AP4E1: variants seen among roughly 807,000 people sequenced by gnomAD.
AP4E1 encodes the protein adaptor related protein complex 4 subunit epsilon 1, also known as AP-4 complex subunit epsilon-1.
In AP4E1, 56 loss-of-function variants were observed where a neutral mutation model predicts 128.2. The observed-to-expected ratio is 0.44, with a 90% CI of 0.35 to 0.55. The LOEUF (loss-of-function observed/expected upper bound fraction) is 0.55, where lower values mean the gene tolerates loss of function less well. Among genes scored for constraint, AP4E1 ranks in the 20% least tolerant of loss-of-function variants. The pLI is 0.00. For synonymous variants in AP4E1, 484 were observed against 473.1 expected (o/e 1.02, Z -0.30); for missense variants, 1,324 against 1,307.7 (o/e 1.01, Z -0.19).
chr15:50,928,031 T>C (rs2063788718), intron 5 of AP4E1, among the ~76,000 whole-genome samples: 1 of 152,186 alleles, frequency 6.6e-6, no homozygotes, highest in Non-Finnish European at 1.5e-5. Flanking sequence ...TTATTTTTGC[T>C]TCTGTGTGCT....
At chr15:50,963,095 C>T (rs564896905) in intron 14 of AP4E1, among the ~76,000 whole-genome samples, 29 of 151,922 alleles carry the variant, frequency 1.9e-4, no homozygotes, top group African/African-American at 6.8e-4. Context: ...CAAAAAATAA[C>T]AAATGTTGCC....
chr15:50,918,264 A>C (rs2063653472), intron 3 of AP4E1: 1 of 152,120 alleles, frequency 6.6e-6, no homozygotes, highest in African/African-American at 2.4e-5. Flanking sequence ...TTTGTCTGAG[A>C]GTTCTGAAAT....
intron 14 of AP4E1, among the ~76,000 whole-genome samples, chr15:50,963,501 A>G (rs1038697819): frequency 6.6e-6 from 1 of 152,204 alleles, no homozygotes; most frequent in African/African-American, 2.4e-5. Context: ...ACATGTTCTT[A>G]TGCATATGTG....
Position 50,910,132 on chromosome 15 carries a change from G to A in AP4E1, c.150+1204G>A, listed in dbSNP as rs562468118. Among the ~76,000 whole-genome samples the A allele has an allele frequency of 9.2e-5, 14 of 152,294 alleles. No homozygotes were observed. In the East Asian group the frequency reaches 2.5e-3, roughly 27 times the overall value. ...CTCCCAAGTAGCTGGGATTATAGGC[G>A]TATGCCACTACGCCCGGCTAATTTT... On this transcript the variant is annotated intron_variant, in intron 1 of 20. Transcript: ENST00000261842.
chr15:50,958,893 T>A, intron 14 of AP4E1, 99 bp downstream of exon 14: 1 of 1,277,874 alleles, frequency 7.8e-7, no homozygotes, highest in Non-Finnish European at 1.1e-6. Flanking sequence ...AAATGTGGTT[T>A]CTGTAGCATT....
chr15:50,909,061 G>A, intron 1 of AP4E1, 133 bp downstream of exon 1: 1 of 1,406,884 alleles, frequency 7.1e-7, no homozygotes, highest in Non-Finnish European at 9.4e-7. Context: ...TGCTGTGTCG[G>A]TTCGTCCTTT....
At chr15:50,931,345 A>T (rs1188523804) in intron 7 of AP4E1, among the ~76,000 whole-genome samples, 2 of 152,092 alleles carry the variant, frequency 1.3e-5, no homozygotes, top group Non-Finnish European at 2.9e-5. Flanking sequence ...GAGGTGGCGG[A>T]TCACAAGGTC....
At chr15:50,933,158 G>A (rs974457738) in intron 7 of AP4E1, among the ~76,000 whole-genome samples, 1 of 152,082 alleles carries the variant, frequency 6.6e-6, no homozygotes, top group African/African-American at 2.4e-5. Flanking sequence ...ACAGCACTCA[G>A]GTGACCAGTA....
intron 1 of AP4E1, among the ~76,000 whole-genome samples, chr15:50,909,217 A>T (rs2063534358): frequency 6.6e-6 from 1 of 152,266 alleles, no homozygotes; most frequent in South Asian, 2.1e-4. Flanking sequence ...TTGTGGTGGA[A>T]AAGTACTGAT....
At chr15:50,967,816 A>ATT (rs2064414197) in intron 14 of AP4E1, among the ~76,000 whole-genome samples, 1 of 152,134 alleles carries the variant, frequency 6.6e-6, no homozygotes, top group South Asian at 2.1e-4. Context: ...TAGCATTTTC[A>ATT]TTCATTCATT....
chr15:50,927,288 G>A (rs1300260613), intron 5 of AP4E1, among the ~76,000 whole-genome samples: 1 of 152,122 alleles, frequency 6.6e-6, no homozygotes, highest in Non-Finnish European at 1.5e-5. Flanking sequence ...TTGCAGTTAT[G>A]GCCATACTCA....
intron 17 of AP4E1, among the ~76,000 whole-genome samples, chr15:50,994,584 A>G (rs979890496): frequency 1.3e-5 from 2 of 152,200 alleles, no homozygotes; most frequent in African/African-American, 2.4e-5. Flanking sequence ...TAACTAATGT[A>G]TCTTAATATT....
At chr15:50,928,769 C>A (rs890562235) in intron 5 of AP4E1, among the ~76,000 whole-genome samples, 2 of 149,250 alleles carry the variant, frequency 1.3e-5, no homozygotes, top group African/African-American at 4.9e-5. Flanking sequence ...AAAAAATTCC[C>A]TAACTAGATA....
In AP4E1 at chr15:50,950,428, G is replaced by A. The variant is rs56121717; in HGVS notation, c.1548+259G>A. On this transcript the variant is annotated intron_variant, in intron 13 of 20. Transcript: ENST00000261842. ...TTTGTTGTGTTTTTTATGTGCATCC[G>A]TGTTTGAATATTTGAATACTCATTT... 0.018 allele frequency among the ~76,000 whole-genome samples: 2,712 copies of A among 151,790 alleles called. 100 individuals are homozygous for A. Among genetic ancestry groups the A allele is most frequent in the African/African-American group, 0.062 (2,573 of 41,346 alleles).
In AP4E1 at chr15:51,001,090, C is replaced by G; in HGVS notation, c.3160C>G (p.Gln1054Glu). Reference sequence around the variant, plus strand: ...GTTATCCTTCGCAAATGATGTGAAACAAAATGTAAAAATGTCAGAATCTCA... The same window carrying G: ...GTTATCCTTCGCAAATGATGTGAAAGAAAATGTAAAAATGTCAGAATCTCA... ...LWLSFANDVK[Q>E]NVKMSESQAA... The change falls in exon 20 of 21, where the codon CAA becomes GAA. Residue 1054 changes from glutamine to glutamate, a missense_variant. Physicochemically the swap from Gln to Glu is conservative, Grantham distance 29. Transcript: ENST00000261842. 1 of 1,613,448 alleles carries G rather than the reference C, an allele frequency of 6.2e-7. No individual in the cohort carries two copies. The highest frequency in any genetic ancestry group is 8.5e-7 in the Non-Finnish European group (1 of 1,179,612).
At chr15:50,930,550 A>G (rs1452751970) in intron 6 of AP4E1, among the ~76,000 whole-genome samples, 1 of 152,036 alleles carries the variant, frequency 6.6e-6, no homozygotes, top group Admixed American at 6.5e-5. Flanking sequence ...AGATATAAGA[A>G]TTTTGAAATG....
intron 14 of AP4E1, among the ~76,000 whole-genome samples, chr15:50,961,801 G>C (rs1200591397): frequency 1.3e-5 from 2 of 151,906 alleles, no homozygotes; most frequent in Non-Finnish European, 1.5e-5. Context: ...CTGGAAAAGA[G>C]GAAGTCAAAT....
rs746806639 is a variant in AP4E1, at chr15:50,999,210, C to T, written c.3043C>T (p.His1015Tyr). 1.9e-6 allele frequency: 3 copies of T among 1,612,972 alleles called. No homozygotes were observed. Among genetic ancestry groups the T allele is most frequent in the Non-Finnish European group, 2.5e-6 (3 of 1,179,350 alleles). ...TATTAGTTATCATATGATGGATACT[C>T]ATTCTGCTCAGCTGGAATTTTCTGT... is the stretch of plus-strand genomic sequence containing the variant. The part of the protein sequence containing the change: ...GFISYHMMDT[H>Y]SAQLEFSVNL... The change falls in exon 19 of 21, where the codon CAT becomes TAT. Residue 1015 changes from histidine (H) to tyrosine (Y), a missense_variant. Coordinates refer to ENST00000261842, the MANE Select transcript of AP4E1 (RefSeq NM_007347.5).
chr15:50,970,586 A>G lies in AP4E1; in HGVS notation c.1966+2209A>G, dbSNP rs148044010. 7.8e-3 allele frequency among the ~76,000 whole-genome samples: 1,188 copies of G among 152,226 alleles called. 21 individuals are homozygous for G. Among genetic ancestry groups the G allele is most frequent in the Non-Finnish European group, 6.1e-3 (413 of 68,010 alleles). On this transcript the variant is annotated intron_variant, in intron 15 of 20. Transcript: ENST00000261842. ...TATTTATAATTGTTATATTCTTTTT[A>G]TGAATTGATCCCTTTATTGTACAGT...
Sources: gnomAD v4.1 joint callset for allele counts (sites outside exome capture counted in the v4.1 genomes callset) on GRCh38, gnomAD v4.1.1 for gene constraint, MANE v1.5 for transcripts, NCBI Gene and HGNC (gene_info 2026-07-23, HGNC 2026-07-21) for gene names.